DIAPH2: variants seen among roughly 807,000 people sequenced by gnomAD.
The protein encoded by DIAPH2 is diaphanous related formin 2, also known as protein diaphanous homolog 2.
In DIAPH2, 35 loss-of-function variants were observed where a neutral mutation model predicts 92.7. The ratio of observed to expected loss-of-function variants is 0.38; its 90% CI spans 0.29 to 0.50. The LOEUF is 0.50. Ranked by LOEUF, DIAPH2 falls within the 20% of genes least tolerant of loss-of-function variation. The pLI, the probability that DIAPH2 is intolerant of heterozygous loss-of-function variation, is 0.94. For missense variants in DIAPH2, 701 were observed against 819.5 expected (o/e 0.86, Z 1.77); for synonymous variants, 301 against 280.4 (o/e 1.07, Z -0.73).
At chrX:97,278,862 T>C (rs1326921346) in intron 23 of DIAPH2, among the ~76,000 whole-genome samples, 4 of 112,252 alleles carry the variant, frequency 3.6e-5, no homozygotes, top group Admixed American at 9.5e-5. Flanking sequence ...ACAGCATGTG[T>C]GTAGAAGGAT....
intron 5 of DIAPH2, among the ~76,000 whole-genome samples, chrX:96,905,869 C>T (rs1002852713): frequency 8.9e-6 from 1 of 112,314 alleles, no homozygotes; most frequent in Non-Finnish European, 1.9e-5. Flanking sequence ...GTGGCTCACG[C>T]CTGTAATCCC....
intron 23 of DIAPH2, among the ~76,000 whole-genome samples, chrX:97,269,193 CAA>C (rs916473348): frequency 9.0e-6 from 1 of 111,348 alleles, no homozygotes; most frequent in Non-Finnish European, 1.9e-5. Flanking sequence ...GGAGATGTGA[CAA>C]GAGAGAGTTC....
In DIAPH2 at chrX:97,486,019, TA is replaced by T. The variant is rs59648553; in HGVS notation, c.3241+56287del. Among the ~76,000 whole-genome samples, 663 of 92,966 alleles carry T rather than the reference TA, an allele frequency of 7.1e-3. 5 individuals are homozygous for T. The highest frequency in any genetic ancestry group is 0.022 in the African/African-American group (563 of 25,385). The allele number at this position is 92,966 out of a possible 115,157, so 80.7% of individuals were successfully genotyped here. On this transcript the variant is annotated intron_variant, in intron 26 of 26. Coordinates refer to ENST00000324765, the MANE Select transcript of DIAPH2 (RefSeq NM_006729.5). ...TCTGTTCCTCTGTGTGTACCGAAAA[TA>T]AAAAAAAAAAAAGAAATAATGCTAT...
chrX:97,109,241 A>G, intron 20 of DIAPH2, among the ~76,000 whole-genome samples: 1 of 110,641 alleles, frequency 9.0e-6, no homozygotes. Context: ...GCAACATGGC[A>G]CAACCCCATC....
intron 26 of DIAPH2, among the ~76,000 whole-genome samples, chrX:97,516,119 G>C (rs1033574959): frequency 9.1e-6 from 1 of 110,364 alleles, no homozygotes; most frequent in East Asian, 2.8e-4. Flanking sequence ...GGGTGTGGTG[G>C]CACACGCCTA....
At chrX:97,250,525 G>T (rs1023661268) in intron 23 of DIAPH2, among the ~76,000 whole-genome samples, 1 of 111,874 alleles carries the variant, frequency 8.9e-6, no homozygotes, top group Admixed American at 9.5e-5. Context: ...ACATTGCCAG[G>T]CATGAAAATT....
chrX:97,320,614 C>T (rs1331920036), intron 23 of DIAPH2, among the ~76,000 whole-genome samples: 1 of 106,362 alleles, frequency 9.4e-6, no homozygotes, highest in East Asian at 3.1e-4. Flanking sequence ...GCTCAGGAGG[C>T]TGAGGCAGTA....
At position 97,290,803 on chromosome X, in the gene DIAPH2, G is replaced by A. The variant is rs993674026; in HGVS notation, c.2844+42964G>A. ...AAAGCTAGTGTATCTGTCTTGGCCG[G>A]GCTGGTCACGCCTGTAATCCCAACA... On this transcript the variant is annotated intron_variant, in intron 23 of 26. Coordinates refer to ENST00000324765, the MANE Select transcript of DIAPH2 (RefSeq NM_006729.5). Among the ~76,000 whole-genome samples the A allele has an allele frequency of 2.7e-5, 3 of 111,926 alleles. No homozygotes were observed. In the Admixed American group the frequency reaches 2.9e-4, roughly 11 times the overall value.
At chrX:96,853,592 T>C (rs1382841449) in intron 4 of DIAPH2, among the ~76,000 whole-genome samples, 1 of 111,311 alleles carries the variant, frequency 9.0e-6, no homozygotes, top group Admixed American at 9.6e-5. Flanking sequence ...TCAAATACAT[T>C]CACTTTAAAG....
intron 4 of DIAPH2, among the ~76,000 whole-genome samples, chrX:96,840,880 TG>T (rs940927041): frequency 3.6e-5 from 4 of 111,752 alleles, no homozygotes; most frequent in Non-Finnish European, 7.5e-5. Context: ...CCCAAAGTGC[TG>T]GGATTACAGG....
chrX:97,428,806 CA>C (rs2070097408), intron 25 of DIAPH2, among the ~76,000 whole-genome samples: 1 of 111,729 alleles, frequency 9.0e-6, no homozygotes, highest in East Asian at 2.8e-4. Context: ...GGGGATTATG[CA>C]CAGTGTAATA....
At chrX:97,114,986 G>A in intron 21 of DIAPH2, 21 bp downstream of exon 21, 1 of 1,132,709 alleles carries the variant, frequency 8.8e-7, no homozygotes. Flanking sequence ...ATTTTATAAT[G>A]CTAATTTACA....
At chrX:96,749,660 G>A (rs2064174944) in intron 3 of DIAPH2, among the ~76,000 whole-genome samples, 1 of 111,480 alleles carries the variant, frequency 9.0e-6, no homozygotes, top group Admixed American at 9.6e-5. Flanking sequence ...ACTAATCTGG[G>A]GTGTTGCATT....
Position 96,804,326 on chromosome X carries a change from A to G in DIAPH2, c.447+46068A>G, listed in dbSNP as rs147059790. Among the ~76,000 whole-genome samples, 876 of 111,760 alleles carry G rather than the reference A, an allele frequency of 7.8e-3. 29 individuals are homozygous for G. Among genetic ancestry groups the G allele is most frequent in the Admixed American group, 0.063 (657 of 10,483 alleles). On this transcript the variant is annotated intron_variant, in intron 4 of 26. Transcript: ENST00000324765. ...TTCTCAAATTTAAATATCCAAAGTA[A>G]AACTCAAAATGTTGATATTCATTTT...
At chrX:97,573,607 A>G (rs1250620441) in intron 26 of DIAPH2, among the ~76,000 whole-genome samples, 1 of 110,494 alleles carries the variant, frequency 9.1e-6, no homozygotes, top group African/African-American at 3.3e-5. Context: ...TTTTCTTCAT[A>G]AAATAAAATG....
At chrX:97,098,617 G>C (rs1437965805) in intron 19 of DIAPH2, among the ~76,000 whole-genome samples, 1 of 112,559 alleles carries the variant, frequency 8.9e-6, no homozygotes, top group Non-Finnish European at 1.9e-5. Context: ...TAGAGATGGG[G>C]TTTCTCCATG....
intron 4 of DIAPH2, among the ~76,000 whole-genome samples, chrX:96,876,744 A>C (rs1352765963): frequency 1.0e-5 from 1 of 97,700 alleles, no homozygotes; most frequent in Non-Finnish European, 2.0e-5. Flanking sequence ...GCAACATCAC[A>C]CACCGGGGCC....
intron 26 of DIAPH2, among the ~76,000 whole-genome samples, chrX:97,494,402 G>C (rs925950416): frequency 9.0e-6 from 1 of 111,691 alleles, no homozygotes; most frequent in Non-Finnish European, 1.9e-5. Context: ...ATGTTGTTCA[G>C]TTGTCTATAT....
At chrX:97,192,991 C>CTTTCTTTTTCTT (rs1243836614) in intron 22 of DIAPH2, among the ~76,000 whole-genome samples, 1 of 101,452 alleles carries the variant, frequency 9.9e-6, no homozygotes, top group African/African-American at 4.0e-5. Flanking sequence ...TACATTATTT[C>CTTTCTTTTTCTT]TTTCTTTTTC....
Sources: gnomAD v4.1 joint callset for allele counts (sites outside exome capture counted in the v4.1 genomes callset) on GRCh38, gnomAD v4.1.1 for gene constraint, MANE v1.5 for transcripts, NCBI Gene and HGNC (gene_info 2026-07-23, HGNC 2026-07-21) for gene names.